CCL1: variants seen among roughly 807,000 people sequenced by gnomAD.
The protein encoded by CCL1 is C-C motif chemokine ligand 1, also known as C-C motif chemokine 1.
A neutral mutation model predicts 7.5 loss-of-function variants in CCL1; 9 were observed. That is an observed-to-expected ratio of 1.20 (90% confidence interval 0.72 to 2.09). The LOEUF (loss-of-function observed/expected upper bound fraction) is 2.09, where lower values mean the gene tolerates loss of function less well. Among genes scored for constraint, CCL1 ranks in the 30% most tolerant of loss-of-function variants. CCL1 has a pLI of 0.00. For missense variants in CCL1, 110 were observed against 113.7 expected, an observed-to-expected ratio of 0.97 and a Z score of 0.15; for synonymous variants, 48 against 44.7, an observed-to-expected ratio of 1.07 and a Z score of -0.30.
intron 1 of CCL1, 43 bp from the exon 2 acceptor site, chr17:34,361,939 C>A (rs931753345): frequency 5.2e-6 from 7 of 1,339,820 alleles, no homozygotes; most frequent in Non-Finnish European, 6.4e-6. Flanking sequence ...CATTTCTCAA[C>A]CTCTCACCTG....
In CCL1 at chr17:34,360,575, G is replaced by T. The variant is rs368269811; in HGVS notation, c.275C>A (p.Pro92Gln). 4.3e-6 allele frequency: 7 copies of T among 1,613,310 alleles called. No homozygotes were observed. Among genetic ancestry groups the T allele is most frequent in the Non-Finnish European group, 5.1e-6 (6 of 1,179,648 alleles). The change falls in exon 3 of 3, where the codon CCG becomes CAG. Residue 92 changes from proline to glutamine, a missense_variant. By Grantham distance (76) the Pro-to-Gln change is moderately conservative. Coordinates refer to ENST00000225842, the MANE Select transcript of CCL1 (RefSeq NM_002981.2). The part of the protein sequence containing the change: ...QRHRKMLRHC[P>Q]SKRK Reference sequence around the variant, plus strand: ...GAAATCTGCTCATTTTCTTTTTGACGGGCAGTGCCTCAGCATTTTTCTGTG... The same window carrying T: ...GAAATCTGCTCATTTTCTTTTTGACTGGCAGTGCCTCAGCATTTTTCTGTG...
Position 34,360,419 on chromosome 17 carries a change from GCAA to G in CCL1, c.*137_*139del. On this transcript the variant is annotated 3_prime_UTR_variant, in exon 3 of 3. Coordinates refer to ENST00000225842, the MANE Select transcript of CCL1 (RefSeq NM_002981.2). ...ATTGTATAATTTAAATGTTTAAAGTGCAACAACATAGCTTATCAAGACCAAGCA... is the reference window on the plus strand; with the variant it reads ...ATTGTATAATTTAAATGTTTAAAGTGCAACATAGCTTATCAAGACCAAGCA... 1.5e-6 allele frequency: 1 copy of G among 669,930 alleles called. No homozygotes were observed. The highest frequency in any genetic ancestry group is 2.7e-6 in the Non-Finnish European group (1 of 372,918). 41.5% of individuals were successfully genotyped at this position (669,930 alleles called of 1,614,324 possible). A position where few individuals can be genotyped will look rare whatever the true frequency, so the allele number is the denominator to read the frequency against.
intron 1 of CCL1, among the ~76,000 whole-genome samples, chr17:34,362,828 G>C (rs73988390): frequency 1.3e-5 from 2 of 151,782 alleles, no homozygotes; most frequent in Non-Finnish European, 2.9e-5. Context: ...AACCTCACAG[G>C]TTCCCTTCCT....
chr17:34,362,594 C>A (rs542929864), intron 1 of CCL1, among the ~76,000 whole-genome samples: 2 of 152,138 alleles, frequency 1.3e-5, no homozygotes, highest in Non-Finnish European at 2.9e-5. Flanking sequence ...CCCTTTCATG[C>A]CTCTTACTAG....
chr17:34,361,327 G>A (rs1910501120), intron 2 of CCL1, among the ~76,000 whole-genome samples: 1 of 152,180 alleles, frequency 6.6e-6, no homozygotes. Context: ...TAAAGACCCT[G>A]TGATACAGCT....
chr17:34,362,556 T>G (rs1910533225), intron 1 of CCL1, among the ~76,000 whole-genome samples: 1 of 152,108 alleles, frequency 6.6e-6, no homozygotes, highest in African/African-American at 2.4e-5. Context: ...AATCCCAGCT[T>G]CTTCCTCCTA....
chr17:34,363,218 A>T lies in CCL1; in HGVS notation c.-57T>A, dbSNP rs569632097. 179 of 1,523,360 alleles carry T rather than the reference A, an allele frequency of 1.2e-4. 3 individuals are homozygous for T. The Admixed American group carries it at 2.3e-3, about 19-fold the overall frequency. The allele number at this position is 1,523,360 out of a possible 1,614,324, so 94.4% of individuals were successfully genotyped here. On this transcript the variant is annotated 5_prime_UTR_variant, in exon 1 of 3. Transcript: ENST00000225842. ...CAGCTTTGATGAGCCTGGTGAAGCT[A>T]AGAGCTCACCACTGTGCCGTCCTGC... is the stretch of plus-strand genomic sequence containing the variant.
At chr17:34,363,015 C>T (rs1238542273) in intron 1 of CCL1, 71 bp downstream of exon 1, 11 of 1,430,888 alleles carry the variant, frequency 7.7e-6, no homozygotes, top group Non-Finnish European at 1.1e-5. Flanking sequence ...GAAGCCTGCT[C>T]CAACCCCAGA....
In CCL1 at chr17:34,361,043, T is replaced by TTG. The variant is rs138529852; in HGVS notation, c.189-384_189-383dup. Among the ~76,000 whole-genome samples the TTG allele has an allele frequency of 3.0e-4, 45 of 151,166 alleles. No individual in the cohort carries two copies. The South Asian group carries it at 4.0e-3, about 13-fold the overall frequency. ...TACTTGTTGCGTTGGACTCATGTGT[T>TTG]TGTGTGTGTGTGTGTGCGCGCGCCT... On this transcript the variant is annotated intron_variant, in intron 2 of 2. Coordinates refer to ENST00000225842, the MANE Select transcript of CCL1 (RefSeq NM_002981.2).
chr17:34,360,750 G>A, intron 2 of CCL1, 89 bp from the exon 3 acceptor site: 1 of 996,588 alleles, frequency 1.0e-6, no homozygotes, highest in Non-Finnish European at 1.6e-6. Flanking sequence ...CGGCTGCCAG[G>A]TCCCCTAAAC....
Position 34,361,772 on chromosome 17 carries a change from G to C in CCL1, c.188+13C>G. On this transcript the variant is annotated intron_variant, in intron 2 of 2. Coordinates refer to ENST00000225842, the MANE Select transcript of CCL1 (RefSeq NM_002981.2). ...CTGTTCTCTAGGGAGAGATTGAGCA[G>C]GTGATCACTTACATTAAGCCCTCAT... 6.6e-7 allele frequency: 1 copy of C among 1,521,924 alleles called. No homozygotes were observed. 94.3% of individuals were successfully genotyped at this position (1,521,924 alleles called of 1,614,324 possible). A position where few individuals can be genotyped will look rare whatever the true frequency, so the allele number is the denominator to read the frequency against.
In CCL1 at chr17:34,363,121, G is replaced by T; in HGVS notation, c.41C>A (p.Ala14Asp). The T allele has an allele frequency of 6.2e-7, 1 of 1,613,602 alleles. No homozygotes were observed. Among genetic ancestry groups the T allele is most frequent in the Non-Finnish European group, 8.5e-7 (1 of 1,180,022 alleles). The stretch of plus-strand genomic sequence containing the variant: ...GTCCACATCTTCCGGCCACATCCCA[G>T]CTAGCAGCAAGCACACCAGGGCTGT... ...ITTALVCLLLAGMWPEDVDSK... is the reference protein window; with the variant it reads ...ITTALVCLLLDGMWPEDVDSK... The change falls in exon 1 of 3, where the codon GCT (alanine) becomes GAT (aspartate). Residue 14 changes from alanine (A) to aspartate (D), a missense_variant. Physicochemically the swap from Ala to Asp is moderately radical, Grantham distance 126 (BLOSUM62 -2). Coordinates refer to ENST00000225842, the MANE Select transcript of CCL1 (RefSeq NM_002981.2).
In CCL1 at chr17:34,363,158, G is replaced by A. The variant is rs746809690; in HGVS notation, c.4C>T (p.Gln2Ter). The A allele has an allele frequency of 1.9e-6, 3 of 1,613,622 alleles. No individual in the cohort carries two copies. Among genetic ancestry groups the A allele is most frequent in the Non-Finnish European group, 2.5e-6 (3 of 1,180,002 alleles). Residue 2 changes from glutamine (Q) to a stop codon, truncating the protein, a stop_gained, in exon 1 of 3, where the codon CAG becomes TAG. Coordinates refer to ENST00000225842, the MANE Select transcript of CCL1 (RefSeq NM_002981.2). LOFTEE classifies it high-confidence loss of function. The part of the protein sequence containing the change: M[Q>*]IITTALVCLL... ...CACACCAGGGCTGTGGTGATGATCTGCATGTCTTCTGGTCTGGCTTGGGCC... is the reference window on the plus strand; with the variant it reads ...CACACCAGGGCTGTGGTGATGATCTACATGTCTTCTGGTCTGGCTTGGGCC...
intron 1 of CCL1, 73 bp from the exon 2 acceptor site, chr17:34,361,969 CA>C: frequency 1.1e-6 from 1 of 945,462 alleles, no homozygotes; most frequent in Non-Finnish European, 1.6e-6. Context: ...TTTTAAAAAA[CA>C]AACAAAAAAA....
Position 34,363,078 on chromosome 17 carries a change from A to T in CCL1, c.76+8T>A, listed in dbSNP as rs1211571328. 7 of 1,611,590 alleles carry T rather than the reference A, an allele frequency of 4.3e-6. No individual in the cohort carries two copies. The highest frequency in any genetic ancestry group is 5.9e-6 in the Non-Finnish European group (7 of 1,179,858). On this transcript the variant is annotated splice_region_variant and intron_variant, in intron 1 of 2. Coordinates refer to ENST00000225842, the MANE Select transcript of CCL1 (RefSeq NM_002981.2). Reference sequence around the variant, plus strand: ...AGAGAGAAGCAAAATGATGCCTGCCACACTCACTGCTCTTGCTGTCCACAT... The same window carrying T: ...AGAGAGAAGCAAAATGATGCCTGCCTCACTCACTGCTCTTGCTGTCCACAT...
intron 1 of CCL1, 77 bp from the exon 2 acceptor site, chr17:34,361,973 C>CA (rs955103333): frequency 6.9e-6 from 6 of 873,952 alleles, no homozygotes; most frequent in African/African-American, 3.4e-5. Flanking sequence ...AAAAAACAAA[C>CA]AAAAAAACGC....
intron 1 of CCL1, among the ~76,000 whole-genome samples, chr17:34,362,536 C>A (rs898631219): frequency 6.6e-6 from 1 of 152,144 alleles, no homozygotes; most frequent in Non-Finnish European, 1.5e-5. Flanking sequence ...CCGCAAGAGA[C>A]CTGCATTCCA....
chr17:34,360,611 C>T lies in CCL1; in HGVS notation c.239G>A (p.Trp80Ter). 6.2e-7 allele frequency: 1 copy of T among 1,613,746 alleles called. No homozygotes were observed. Among genetic ancestry groups the T allele is most frequent in the South Asian group, 1.1e-5 (1 of 91,054 alleles). Residue 80 changes from tryptophan to a stop codon, truncating the protein, a stop_gained, in exon 3 of 3, where the codon TGG becomes TAG. Coordinates refer to ENST00000225842, the MANE Select transcript of CCL1 (RefSeq NM_002981.2). LOFTEE classifies it low-confidence loss of function (END_TRUNC). The stretch of plus-strand genomic sequence containing the variant: ...CAGCATTTTTCTGTGCCTCTGAACC[C>T]ATCCAACTGTGTCCAAGGCGCAGGC... ...KEACALDTVGWVQRHRKMLRH... is the reference protein window; with the variant it reads ...KEACALDTVG
chr17:34,362,982 G>T, intron 1 of CCL1, 104 bp downstream of exon 1: 1 of 994,354 alleles, frequency 1.0e-6, no homozygotes, highest in Non-Finnish European at 1.6e-6. Context: ...GAAGAGGGGA[G>T]ATAGAGTTGG....
Sources: gnomAD v4.1 joint callset for allele counts (sites outside exome capture counted in the v4.1 genomes callset) on GRCh38, gnomAD v4.1.1 for gene constraint, MANE v1.5 for transcripts, NCBI Gene and HGNC (gene_info 2026-07-23, HGNC 2026-07-21) for gene names.